The following FSD1L variants were observed in gnomAD, a reference collection of about 807,000 sequenced individuals.
FSD1L encodes FSD1-like protein.
FSD1L carries 45 observed loss-of-function variants against 71.6 expected under a neutral mutation model. The ratio of observed to expected loss-of-function variants is 0.63; its 90% CI spans 0.49 to 0.81. The LOEUF (loss-of-function observed/expected upper bound fraction) is 0.81, where lower values mean the gene tolerates loss of function less well. Ranked by LOEUF, FSD1L falls within the 30% of genes least tolerant of loss-of-function variation. FSD1L has a pLI of 0.00. For missense variants in FSD1L, 561 were observed against 618.1 expected (o/e 0.91, Z 0.98); for synonymous variants, 197 against 207.2 (o/e 0.95, Z 0.42).
In FSD1L at chr9:105,448,125, T is replaced by C. The variant is rs1829737592; in HGVS notation, c.-96T>C. On this transcript the variant is annotated 5_prime_UTR_variant, in exon 1 of 14. Transcript: ENST00000481272. The stretch of plus-strand genomic sequence containing the variant: ...GCGGTGCCGGTGCGGGCTGGGGCAG[T>C]GCAGTGAGTAGCGGTCTTGGGGTGT... 2 of 1,307,688 alleles carry C rather than the reference T, an allele frequency of 1.5e-6. No homozygotes were observed. The highest frequency in any genetic ancestry group is 4.0e-5 in the Admixed American group (2 of 49,714). 81.0% of individuals were successfully genotyped at this position (1,307,688 alleles called of 1,614,324 possible). A position where few individuals can be genotyped will look rare whatever the true frequency, so the allele number is the denominator to read the frequency against.
chr9:105,477,814 G>A (rs1176778408), intron 5 of FSD1L, among the ~76,000 whole-genome samples: 1 of 152,078 alleles, frequency 6.6e-6, no homozygotes, highest in African/African-American at 2.4e-5. Context: ...TTGTTTGTTT[G>A]TGTAGCACGT....
chr9:105,479,275 T>A, intron 5 of FSD1L, 79 bp from the exon 6 acceptor site: 1 of 1,293,054 alleles, frequency 7.7e-7, no homozygotes, highest in Non-Finnish European at 1.1e-6. Flanking sequence ...TCCTAACTTT[T>A]CTTGCATGTC....
At chr9:105,494,356 T>A (rs1006434876) in intron 7 of FSD1L, among the ~76,000 whole-genome samples, 11 of 152,146 alleles carry the variant, frequency 7.2e-5, no homozygotes, top group African/African-American at 2.7e-4. Context: ...CTCCATCAGC[T>A]CCTTTAAGCA....
intron 10 of FSD1L, chr9:105,521,190 T>A: frequency 6.2e-7 from 1 of 1,614,204 alleles, no homozygotes; most frequent in South Asian, 1.1e-5. Flanking sequence ...GGTTTCTTTC[T>A]GGCTGGAGCC....
At chr9:105,491,499 C>T (rs1832935068) in intron 7 of FSD1L, among the ~76,000 whole-genome samples, 2 of 151,714 alleles carry the variant, frequency 1.3e-5, no homozygotes, top group Admixed American at 1.3e-4. Context: ...TTTCCTTCTC[C>T]TGCCCAATTG....
At chr9:105,442,452 G>T in the FSD1L span, among the ~76,000 whole-genome samples, 1 of 152,020 alleles carries the variant, frequency 6.6e-6, no homozygotes, top group Non-Finnish European at 1.5e-5. Flanking sequence ...GCCAAGGTGG[G>T]CAGATTGCTT....
At chr9:105,506,633 C>CT (rs1461461390) in intron 8 of FSD1L, 25 bp downstream of exon 8, 1 of 1,389,836 alleles carries the variant, frequency 7.2e-7, no homozygotes, top group African/African-American at 1.4e-5. Context: ...TTTTAGGACT[C>CT]TCATTCTCAG....
At chr9:105,475,684 G>A (rs1831748872) in intron 5 of FSD1L, among the ~76,000 whole-genome samples, 1 of 152,160 alleles carries the variant, frequency 6.6e-6, no homozygotes, top group Admixed American at 6.5e-5. Context: ...ATTTCTTGGT[G>A]TTTATGTCTT....
chr9:105,465,953 C>T (rs535062382), intron 3 of FSD1L, among the ~76,000 whole-genome samples: 8 of 151,952 alleles, frequency 5.3e-5, no homozygotes, highest in African/African-American at 1.9e-4. Context: ...CTCACTGAAA[C>T]TCCTGCTTTC....
Position 105,448,091 on chromosome 9 carries a change from T to TGGGGCCGGGC in FSD1L, c.-127_-118dup, listed in dbSNP as rs1339473545. 3.8e-6 allele frequency: 4 copies of TGGGGCCGGGC among 1,062,426 alleles called. No individual in the cohort carries two copies. Among genetic ancestry groups the TGGGGCCGGGC allele is most frequent in the Non-Finnish European group, 5.6e-6 (4 of 717,204 alleles). The allele number at this position is 1,062,426 out of a possible 1,614,324, so 65.8% of individuals were successfully genotyped here. ...CGCGCGCGGTCTGGGCGCGGACGGGTGGGGCCGGGCGGTGCCGGTGCGGGC... is the reference window on the plus strand; with the variant it reads ...CGCGCGCGGTCTGGGCGCGGACGGGTGGGGCCGGGCGGGGCCGGGCGGTGCCGGTGCGGGC... On this transcript the variant is annotated 5_prime_UTR_variant, in exon 1 of 14. Transcript: ENST00000481272.
intron 7 of FSD1L, among the ~76,000 whole-genome samples, chr9:105,485,397 G>T (rs998285252): frequency 7.9e-5 from 12 of 152,224 alleles, no homozygotes; most frequent in African/African-American, 2.4e-4. Flanking sequence ...TTTTGAGAAA[G>T]ACATTAATCC....
At chr9:105,507,411 C>T (rs927012814) in intron 8 of FSD1L, among the ~76,000 whole-genome samples, 2 of 152,190 alleles carry the variant, frequency 1.3e-5, no homozygotes, top group African/African-American at 4.8e-5. Context: ...TACCATTTAT[C>T]AGGAGATGGG....
At chr9:105,443,226 A>T (rs767447292), upstream of FSD1L, among the ~76,000 whole-genome samples, 1 of 152,218 alleles carries the variant, frequency 6.6e-6, no homozygotes, top group Non-Finnish European at 1.5e-5. Context: ...TTTATAACGA[A>T]AAAGAGGTTT....
intron 5 of FSD1L, among the ~76,000 whole-genome samples, chr9:105,476,357 T>C (rs1458675145): frequency 6.6e-6 from 1 of 152,216 alleles, no homozygotes; most frequent in Non-Finnish European, 1.5e-5. Flanking sequence ...CAATTCCATT[T>C]CTTTAATCAG....
At chr9:105,480,399 C>G (rs1832093545) in intron 6 of FSD1L, among the ~76,000 whole-genome samples, 1 of 151,072 alleles carries the variant, frequency 6.6e-6, no homozygotes, top group Admixed American at 6.6e-5. Context: ...CTCAAGTGAT[C>G]CTCCACCTCA....
chr9:105,492,964 A>C (rs1211928157), intron 7 of FSD1L, among the ~76,000 whole-genome samples: 3 of 152,148 alleles, frequency 2.0e-5, no homozygotes, highest in African/African-American at 7.2e-5. Context: ...TGCTGAAAAA[A>C]ATGTATATTC....
intron 13 of FSD1L, 31 bp from the exon 14 acceptor site, chr9:105,546,327 C>T: frequency 1.3e-6 from 2 of 1,495,366 alleles, no homozygotes; most frequent in Non-Finnish European, 1.8e-6. Context: ...GTTTGATTTG[C>T]AATCTGACAG....
At chr9:105,460,910 A>G (rs1449316579) in intron 1 of FSD1L, among the ~76,000 whole-genome samples, 1 of 152,164 alleles carries the variant, frequency 6.6e-6, no homozygotes, top group Non-Finnish European at 1.5e-5. Context: ...TTATGTACCA[A>G]TTTCTTTTGA....
chr9:105,471,860 G>T, intron 4 of FSD1L, 44 bp from the exon 5 acceptor site: 1 of 769,938 alleles, frequency 1.3e-6, no homozygotes, highest in South Asian at 2.5e-5. Flanking sequence ...ATGGCAATAG[G>T]AAACTTCATT....
Sources: gnomAD v4.1 joint callset for allele counts (sites outside exome capture counted in the v4.1 genomes callset) on GRCh38, gnomAD v4.1.1 for gene constraint, MANE v1.5 for transcripts, NCBI Gene and HGNC (gene_info 2026-07-23, HGNC 2026-07-21) for gene names.